FRAS1: variants seen among roughly 807,000 people sequenced by gnomAD.
FRAS1 encodes Fraser extracellular matrix complex subunit 1.
FRAS1 carries 290 observed loss-of-function variants against 435.2 expected under a neutral mutation model. The observed-to-expected ratio is 0.67, with a 90% confidence interval of 0.61 to 0.73. The LOEUF (loss-of-function observed/expected upper bound fraction) is 0.73, where lower values mean the gene tolerates loss of function less well. Ranked by LOEUF, FRAS1 falls within the 30% of genes least tolerant of loss-of-function variation. The pLI is 0.00. For synonymous variants in FRAS1, 1,800 were observed against 1,851.0 expected (o/e 0.97, Z 0.71); for missense variants, 4,860 against 5,001.5 (o/e 0.97, Z 0.85).
At chr4:78,250,396 C>T (rs551321421) in intron 4 of FRAS1, among the ~76,000 whole-genome samples, 1 of 152,202 alleles carries the variant, frequency 6.6e-6, no homozygotes, top group South Asian at 2.1e-4. Context: ...TCTTGGAGAA[C>T]ATGATTTCCT....
Position 78,241,722 on chromosome 4 carries a change from G to A in FRAS1, c.217-3511G>A, listed in dbSNP as rs895680832. 1.1e-3 allele frequency among the ~76,000 whole-genome samples: 174 copies of A among 152,178 alleles called. 2 individuals carry two copies. The highest frequency in any genetic ancestry group is 1.9e-4 in the Non-Finnish European group (13 of 68,028). ...CTGGAGGAAATAAGGGTGAGAGGGT[G>A]CTAAAAACCAGGAGGCCCAGGTTCA... On this transcript the variant is annotated intron_variant, in intron 3 of 73. Transcript: ENST00000512123.
chr4:78,404,724 T>C (rs1030390781), intron 30 of FRAS1, among the ~76,000 whole-genome samples: 1 of 152,248 alleles, frequency 6.6e-6, no homozygotes, highest in Non-Finnish European at 1.5e-5. Context: ...CTTTACAGTC[T>C]CACCTCTGTT....
chr4:78,417,295 A>G (rs887884916), intron 32 of FRAS1, among the ~76,000 whole-genome samples: 16 of 152,278 alleles, frequency 1.1e-4, no homozygotes, highest in East Asian at 7.7e-4. Context: ...TTATCACTTT[A>G]TTATTTTAAG....
At chr4:78,380,099 C>T (rs888728285) in intron 27 of FRAS1, 103 bp downstream of exon 27, 2 of 1,298,314 alleles carry the variant, frequency 1.5e-6, no homozygotes, top group South Asian at 1.5e-5. Context: ...TAACCCTTCT[C>T]ATCTGGGGAA....
chr4:78,372,669 C>T (rs758327273), intron 23 of FRAS1, 49 bp from the exon 24 acceptor site: 40 of 1,605,556 alleles, frequency 2.5e-5, no homozygotes, highest in Non-Finnish European at 2.5e-5. Context: ...ACTGCTGGGT[C>T]TGAGGGTGGA....
In FRAS1 at chr4:78,255,289, C is replaced by T. The variant is rs767674052; in HGVS notation, c.517C>T (p.Arg173Trp). 18 of 1,556,130 alleles carry T rather than the reference C, an allele frequency of 1.2e-5. No individual in the cohort carries two copies. The highest frequency in any genetic ancestry group is 4.7e-5 in the South Asian group (4 of 84,380). ...TGTGTTTCAGGATGGGGAGGACTGG[C>T]GGCTGAGCCGGTGTGCCAAATGTCT... is the stretch of plus-strand genomic sequence containing the variant. The part of the protein sequence containing the change: ...GHVFQDGEDW[R>W]LSRCAKCLCR... The change falls in exon 6 of 74, where the codon CGG becomes TGG. Residue 173 changes from arginine (R) to tryptophan (W), a missense_variant. Arg to Trp is a moderately radical substitution (Grantham distance 101). Coordinates refer to ENST00000512123, the MANE Select transcript of FRAS1 (RefSeq NM_025074.7).
At chr4:78,375,448 T>C (rs772399549) in intron 25 of FRAS1, among the ~76,000 whole-genome samples, 13 of 152,112 alleles carry the variant, frequency 8.5e-5, no homozygotes, top group Non-Finnish European at 1.6e-4. Flanking sequence ...CTAGAAAGAG[T>C]CTGTGCTCTT....
Position 78,409,223 on chromosome 4 carries a change from G to A in FRAS1, c.4308+1382G>A, listed in dbSNP as rs543951165. Among the ~76,000 whole-genome samples, 3 of 150,826 alleles carry A rather than the reference G, an allele frequency of 2.0e-5. No individual in the cohort carries two copies. In the East Asian group the frequency reaches 5.8e-4, roughly 29 times the overall value. ...TATAAATTATAAATTAATAATAAAA[G>A]GATAAACAAAAATTCAGGCCACTTG... On this transcript the variant is annotated intron_variant, in intron 31 of 73. Coordinates refer to ENST00000512123, the MANE Select transcript of FRAS1 (RefSeq NM_025074.7).
chr4:78,273,173 G>C (rs531297759), intron 9 of FRAS1, among the ~76,000 whole-genome samples: 1 of 152,328 alleles, frequency 6.6e-6, no homozygotes, highest in Admixed American at 6.5e-5. Context: ...TGTATCCTGA[G>C]ACTTTGCTGA....
Position 78,544,168 on chromosome 4 carries a change from T to C in FRAS1, c.*3044T>C, listed in dbSNP as rs1370483187. 1 of 152,704 alleles carries C rather than the reference T, an allele frequency of 6.5e-6. No individual in the cohort carries two copies. The highest frequency in any genetic ancestry group is 1.5e-5 in the Non-Finnish European group (1 of 68,048). The allele number at this position is 152,704 out of a possible 1,614,324, so 9.5% of individuals were successfully genotyped here. On this transcript the variant is annotated 3_prime_UTR_variant, in exon 74 of 74. Transcript: ENST00000512123. ...TGATTTCTTGACTCTCAAATGATTT[T>C]TGTATTTCCAATATGAATTTGTGTG...
In FRAS1 at chr4:78,240,694, G is replaced by T. The variant is rs547194023; in HGVS notation, c.216+3077G>T. Among the ~76,000 whole-genome samples, 3 of 152,298 alleles carry T rather than the reference G, an allele frequency of 2.0e-5. No individual in the cohort carries two copies. The East Asian group carries it at 5.8e-4, about 29-fold the overall frequency. Reference sequence around the variant, plus strand: ...ATAATGTAGCTGTCATCAGCACATAGATCGTATTGCAAACATGTAGAATTA... The same window carrying T: ...ATAATGTAGCTGTCATCAGCACATATATCGTATTGCAAACATGTAGAATTA... On this transcript the variant is annotated intron_variant, in intron 3 of 73. Coordinates refer to ENST00000512123, the MANE Select transcript of FRAS1 (RefSeq NM_025074.7).
intron 2 of FRAS1, among the ~76,000 whole-genome samples, chr4:78,203,714 C>T (rs1723139889): frequency 6.6e-6 from 1 of 152,050 alleles, no homozygotes; most frequent in Admixed American, 6.6e-5. Flanking sequence ...TTACAGGCGG[C>T]TGCCACCACG....
At chr4:78,340,591 C>A (rs454598) in intron 20 of FRAS1, among the ~76,000 whole-genome samples, 122,684 of 152,194 alleles carry the variant, frequency 0.81, 50,225 homozygotes, top group African/African-American at 0.94. Context: ...TGGAGCTTGC[C>A]TACAAGAAAT....
chr4:78,330,067 G>A (rs1578256459), intron 18 of FRAS1, among the ~76,000 whole-genome samples: 1 of 152,222 alleles, frequency 6.6e-6, no homozygotes, highest in South Asian at 2.1e-4. Flanking sequence ...GTTGTGGGAA[G>A]TCAGGGACCC....
chr4:78,147,747 A>T (rs1384522222), intron 2 of FRAS1, among the ~76,000 whole-genome samples: 1 of 152,164 alleles, frequency 6.6e-6, no homozygotes, highest in African/African-American at 2.4e-5. Flanking sequence ...AATGTGAGCG[A>T]GCAACTCTTG....
intron 2 of FRAS1, among the ~76,000 whole-genome samples, chr4:78,099,328 C>T (rs1741987993): frequency 6.6e-6 from 1 of 152,170 alleles, no homozygotes; most frequent in Non-Finnish European, 1.5e-5. Flanking sequence ...AGTGGCGCTT[C>T]CAGACAGAAA....
chr4:78,112,633 T>A (rs1218655771), intron 2 of FRAS1, among the ~76,000 whole-genome samples: 1 of 152,110 alleles, frequency 6.6e-6, no homozygotes, highest in Non-Finnish European at 1.5e-5. Flanking sequence ...ACGGATTTTG[T>A]ACATGGCTAC....
At chr4:78,482,241 TG>T (rs1376461194) in intron 57 of FRAS1, 146 bp from the exon 58 acceptor site, 5 of 892,094 alleles carry the variant, frequency 5.6e-6, no homozygotes, top group Admixed American at 2.2e-5. Context: ...CCGAGTGGCA[TG>T]TAATAAAGAG....
chr4:78,323,271 C>T (rs560663733), intron 18 of FRAS1, among the ~76,000 whole-genome samples: 68 of 152,178 alleles, frequency 4.5e-4, no homozygotes, highest in African/African-American at 1.4e-3. Flanking sequence ...ATAATCAGTC[C>T]GAATTGTGCA....
Sources: allele counts gnomAD v4.1 joint callset (sites outside exome capture counted in the v4.1 genomes callset), GRCh38; gene constraint gnomAD v4.1.1; transcripts MANE v1.5; gene names NCBI Gene and HGNC (gene_info 2026-07-23, HGNC 2026-07-21).